PCDHGB1: variants seen among roughly 807,000 people sequenced by gnomAD.
The protein encoded by PCDHGB1 is protocadherin gamma-B1.
Under a neutral mutation model 56.6 loss-of-function variants are expected in PCDHGB1, and 34 were observed. The observed-to-expected ratio is 0.60, with a 90% CI of 0.46 to 0.80. The LOEUF is 0.80. Ranked by LOEUF, PCDHGB1 falls within the 30% of genes least tolerant of loss-of-function variation. The probability of loss-of-function intolerance (pLI) is 0.00; values close to 1 mark genes in which losing one functional copy is unlikely to be tolerated. For synonymous variants in PCDHGB1, 561 were observed against 505.9 expected, an observed-to-expected ratio of 1.11 and a Z score of -1.46; for missense variants, 1,278 against 1,204.6, an observed-to-expected ratio of 1.06 and a Z score of -0.90.
At chr5:141,365,280 T>C (rs1298679649) in intron 1 of PCDHGB1, 2 of 1,614,018 alleles carry the variant, frequency 1.2e-6, no homozygotes, top group Admixed American at 1.7e-5. Context: ...TTCTACCTCA[T>C]GGAAGTGGTA....
chr5:141,407,027 CT>C (rs1297630291), intron 1 of PCDHGB1, among the ~76,000 whole-genome samples: 1 of 152,128 alleles, frequency 6.6e-6, no homozygotes, highest in Non-Finnish European at 1.5e-5. Context: ...AAATTCTATG[CT>C]AAACATGTGA....
chr5:141,390,851 G>T (rs2092239783), intron 1 of PCDHGB1: 1 of 157,664 alleles, frequency 6.3e-6, no homozygotes. Context: ...ATTATATGCA[G>T]TGTACGCTGT....
chr5:141,410,103 A>G, intron 1 of PCDHGB1: 1 of 1,612,622 alleles, frequency 6.2e-7, no homozygotes, highest in South Asian at 1.1e-5. Flanking sequence ...GCCTTAGGCG[A>G]CAGGGACGCA....
At chr5:141,355,369 C>A (rs1339855222) in intron 1 of PCDHGB1, 2 of 1,614,040 alleles carry the variant, frequency 1.2e-6, no homozygotes, top group Admixed American at 3.3e-5. Context: ...GTTGGCGCCC[C>A]GGGAGCTGGC....
chr5:141,408,176 G>C, intron 1 of PCDHGB1: 1 of 1,533,992 alleles, frequency 6.5e-7, no homozygotes, highest in South Asian at 1.2e-5. Flanking sequence ...TGGAAAAGCG[G>C]GGACCCAGCG....
chr5:141,413,910 C>T, intron 1 of PCDHGB1: 1 of 1,613,376 alleles, frequency 6.2e-7, no homozygotes, highest in Non-Finnish European at 8.5e-7. Flanking sequence ...ACGCGCCGGT[C>T]TTCACCTTGC....
intron 2 of PCDHGB1, among the ~76,000 whole-genome samples, chr5:141,501,984 G>A (rs989251578): frequency 2.0e-5 from 3 of 152,042 alleles, no homozygotes; most frequent in African/African-American, 4.8e-5. Context: ...ATCTGGTCCC[G>A]TTGTCTCCCT....
chr5:141,366,214 A>T lies in PCDHGB1; in HGVS notation c.2409+13545A>T, dbSNP rs749592795. The T allele has an allele frequency of 7.4e-6, 12 of 1,613,810 alleles. No individual in the cohort carries two copies. In the Admixed American group the frequency reaches 2.0e-4, roughly 27 times the overall value. On this transcript the variant is annotated intron_variant, in intron 1 of 3. Transcript: ENST00000523390. ...GGCTGCACACGGGCGAGGTGCGCAC[A>T]GCGCGAGCCCTGCTGGACAGAGACG...
At chr5:141,480,828 TAAGATC>T (rs1054950452) in intron 1 of PCDHGB1, among the ~76,000 whole-genome samples, 22 of 152,260 alleles carry the variant, frequency 1.4e-4, no homozygotes, top group African/African-American at 5.1e-4. Context: ...GGGTGGATCA[TAAGATC>T]AGGAGTTTGA....
At chr5:141,396,955 C>T (rs1476582665) in intron 1 of PCDHGB1, among the ~76,000 whole-genome samples, 2 of 152,156 alleles carry the variant, frequency 1.3e-5, no homozygotes, top group Non-Finnish European at 2.9e-5. Context: ...AAAGAAAATC[C>T]TTACTCTCCC....
At chr5:141,360,185 T>C in intron 1 of PCDHGB1, 2 of 1,611,370 alleles carry the variant, frequency 1.2e-6, no homozygotes, top group Non-Finnish European at 1.7e-6. Context: ...CTGCAGGTAC[T>C]GTTGCCCTTC....
intron 2 of PCDHGB1, among the ~76,000 whole-genome samples, chr5:141,497,879 G>T (rs62379207): frequency 2.0e-5 from 3 of 152,128 alleles, no homozygotes; most frequent in Admixed American, 6.5e-5. Flanking sequence ...TGAAATAAGC[G>T]TTAGGATCTA....
chr5:141,375,179 A>G (rs2150054707), intron 1 of PCDHGB1: 4 of 1,613,972 alleles, frequency 2.5e-6, no homozygotes, highest in Middle Eastern at 1.6e-4. Context: ...AGGAACAGTA[A>G]TCGCCCTTTT....
At chr5:141,419,938 G>A in intron 1 of PCDHGB1, 1 of 1,614,102 alleles carries the variant, frequency 6.2e-7, no homozygotes, top group Non-Finnish European at 8.5e-7. Context: ...TTTACCTGGT[G>A]GTGGCCTTGG....
rs570029585 is a variant in PCDHGB1 at position 141,389,223 on chromosome 5, G to A, written c.2409+36554G>A. On this transcript the variant is annotated intron_variant, in intron 1 of 3. Coordinates refer to ENST00000523390, the MANE Select transcript of PCDHGB1 (RefSeq NM_018922.3). ...GCACATTGGTGATGTAAATGACAAC[G>A]CTCCGGTTTTCTCACAGTCTTCCTA... 5.0e-6 allele frequency: 8 copies of A among 1,613,994 alleles called. No homozygotes were observed. The African/African-American group carries it at 8.0e-5, about 16-fold the overall frequency.
At chr5:141,364,029 G>T (rs1236372834) in intron 1 of PCDHGB1, among the ~76,000 whole-genome samples, 1 of 152,176 alleles carries the variant, frequency 6.6e-6, no homozygotes, top group Non-Finnish European at 1.5e-5. Flanking sequence ...TAAACATTAA[G>T]GATATGGCAA....
chr5:141,357,432 C>T (rs1217622560), intron 1 of PCDHGB1: 3 of 1,614,094 alleles, frequency 1.9e-6, no homozygotes, highest in African/African-American at 1.3e-5. Flanking sequence ...TGGGCGTGGA[C>T]GGGGTTCGGG....
rs751024373 is a variant in PCDHGB1, at chr5:141,491,801, G to A, written c.2410-3006G>A. On this transcript the variant is annotated intron_variant, in intron 1 of 3. Coordinates refer to ENST00000523390, the MANE Select transcript of PCDHGB1 (RefSeq NM_018922.3). The surrounding 1 kb of genome is among the most constrained non-coding windows in gnomAD (Gnocchi z 6.9). ...AACTTGCATCCACTCCTCTCCGGCC[G>A]GCTTGGTCGCTGGCTGCGCTCCACC... 2.7e-6 allele frequency: 4 copies of A among 1,500,726 alleles called. No homozygotes were observed. The Admixed American group carries it at 7.3e-5, about 28-fold the overall frequency. 93.0% of individuals were successfully genotyped at this position (1,500,726 alleles called of 1,614,324 possible). A position where few individuals can be genotyped will look rare whatever the true frequency, so the allele number is the denominator to read the frequency against.
chr5:141,379,295 G>A (rs928710321), intron 1 of PCDHGB1: 3 of 152,044 alleles, frequency 2.0e-5, no homozygotes, highest in African/African-American at 7.2e-5. Context: ...AGTTTCCAAA[G>A]GTATATACCT....
Sources: gnomAD v4.1 joint callset for allele counts (sites outside exome capture counted in the v4.1 genomes callset) on GRCh38, gnomAD v4.1.1 for gene constraint, Gnocchi (gnomAD v3.1) non-coding constraint, MANE v1.5 for transcripts, NCBI Gene and HGNC (gene_info 2026-07-23, HGNC 2026-07-21) for gene names.